The following INTS3 variants were observed in gnomAD, a reference collection of about 807,000 sequenced individuals.
The protein encoded by INTS3 is SOSS complex subunit A.
INTS3 carries 34 observed loss-of-function variants against 146.3 expected under a neutral mutation model. The observed-to-expected ratio is 0.23, with a 90% confidence interval of 0.18 to 0.31. The LOEUF is 0.31. Among genes scored for constraint, INTS3 ranks in the 10% least tolerant of loss-of-function variants. The probability of loss-of-function intolerance (pLI) is 1.00; values close to 1 mark genes in which losing one functional copy is unlikely to be tolerated. For missense variants in INTS3, 757 were observed against 1,304.2 expected (o/e 0.58, Z 6.46); for synonymous variants, 475 against 494.9 (o/e 0.96, Z 0.53).
In INTS3 at chr1:153,761,657, A is replaced by G; in HGVS notation, c.1497A>G (p.Ser499=). The change falls in exon 14 of 30, where the codon TCA becomes TCG. Residue 499 remains serine, a synonymous_variant. Coordinates refer to ENST00000318967, the MANE Select transcript of INTS3 (RefSeq NM_023015.5). ...LREKFPEFCS[S]PSPPVEVKIE... ...AGAAGTTTCCTGAGTTCTGCAGCTC[A>G]CCCTCCCCACCTGTGGAAGGTATGA... 3 of 1,613,174 alleles carry G rather than the reference A, an allele frequency of 1.9e-6. 1 individual carries two copies. In the Middle Eastern group the frequency reaches 5.0e-4, roughly 266 times the overall value.
chr1:153,766,371 C>G (rs1672583292), intron 20 of INTS3: 1 of 152,152 alleles, frequency 6.6e-6, no homozygotes, highest in Non-Finnish European at 1.5e-5. Flanking sequence ...GATCGCAGCT[C>G]ATTGCAACCT....
intron 17 of INTS3, 84 bp from the exon 18 acceptor site, chr1:153,764,034 C>T: frequency 7.6e-7 from 1 of 1,312,442 alleles, no homozygotes; most frequent in Admixed American, 1.7e-5. Context: ...GAGGTGGAAG[C>T]AGATGAGTTC....
chr1:153,729,849 G>A (rs1409302934), intron 1 of INTS3, among the ~76,000 whole-genome samples: 1 of 136,690 alleles, frequency 7.3e-6, no homozygotes, highest in Admixed American at 7.9e-5. Context: ...TGACGACAGA[G>A]CGAGAGACCC....
chr1:153,771,293 T>G (rs907143950), intron 25 of INTS3, among the ~76,000 whole-genome samples: 4 of 152,206 alleles, frequency 2.6e-5, no homozygotes, highest in African/African-American at 4.8e-5. Flanking sequence ...CTTTCTGCCT[T>G]CCTTCCACCC....
chr1:153,767,838 G>C lies in INTS3; in HGVS notation c.2244+11G>C. On this transcript the variant is annotated intron_variant, in intron 21 of 29. Transcript: ENST00000318967. ...TCCATCTACACAGAGGTCAGTGCCT[G>C]CATCCGTATCTGTGCCGGGGGGCTC... 6.3e-7 allele frequency: 1 copy of C among 1,597,996 alleles called. No individual in the cohort carries two copies. Among genetic ancestry groups the C allele is most frequent in the Non-Finnish European group, 8.5e-7 (1 of 1,170,892 alleles).
intron 1 of INTS3, among the ~76,000 whole-genome samples, chr1:153,736,978 A>C (rs922786561): frequency 6.6e-6 from 1 of 151,108 alleles, no homozygotes; most frequent in Non-Finnish European, 1.5e-5. Context: ...CTTGTTAGCC[A>C]GGATGGTCTC....
intron 6 of INTS3, among the ~76,000 whole-genome samples, chr1:153,749,514 C>A (rs890982693): frequency 1.3e-5 from 2 of 152,204 alleles, no homozygotes; most frequent in Admixed American, 1.3e-4. Flanking sequence ...TCCCAACGTT[C>A]ACACTTGTGA....
Position 153,757,545 on chromosome 1 carries a change from T to G in INTS3, c.958-27T>G, listed in dbSNP as rs1390644868. The G allele has an allele frequency of 6.2e-7, 1 of 1,607,930 alleles. No homozygotes were observed. Among genetic ancestry groups the G allele is most frequent in the Non-Finnish European group, 8.5e-7 (1 of 1,175,118 alleles). ...AAGGACCCCACACTGTCTTCTAAGG[T>G]CTTTTTCTTGCTTCCCCTTTCCCCA... On this transcript the variant is annotated intron_variant, in intron 9 of 29. Coordinates refer to ENST00000318967, the MANE Select transcript of INTS3 (RefSeq NM_023015.5). The surrounding 1 kb of genome is among the most constrained non-coding windows in gnomAD (Gnocchi z 4.0).
Position 153,728,594 on chromosome 1 carries a change from C to T in INTS3, c.-41C>T, listed in dbSNP as rs773201559. On this transcript the variant is annotated 5_prime_UTR_variant, in exon 1 of 30. Coordinates refer to ENST00000318967, the MANE Select transcript of INTS3 (RefSeq NM_023015.5). ...GATCCCGATATCTAGGACTGTCCATCCATCCACTCCCTGACCTTTTCCCGG... is the reference window on the plus strand; with the variant it reads ...GATCCCGATATCTAGGACTGTCCATTCATCCACTCCCTGACCTTTTCCCGG... 3.2e-6 allele frequency: 5 copies of T among 1,570,500 alleles called. No individual in the cohort carries two copies. Among genetic ancestry groups the T allele is most frequent in the Non-Finnish European group, 4.3e-6 (5 of 1,163,222 alleles).
intron 23 of INTS3, 100 bp from the exon 24 acceptor site, chr1:153,770,098 T>TGTGTGC: frequency 2.4e-6 from 1 of 418,788 alleles, no homozygotes; most frequent in Non-Finnish European, 4.2e-6. Context: ...TGTGTGTGTG[T>TGTGTGC]GTGTGCTGGT....
In INTS3 at chr1:153,757,527, C is replaced by G. The variant is rs1330639491; in HGVS notation, c.958-45C>G. ...GCTCGTTTTCCTCTGGCCAAGGACC[C>G]CACACTGTCTTCTAAGGTCTTTTTC... On this transcript the variant is annotated intron_variant, in intron 9 of 29. Coordinates refer to ENST00000318967, the MANE Select transcript of INTS3 (RefSeq NM_023015.5). The surrounding 1 kb of genome is among the most constrained non-coding windows in gnomAD (Gnocchi z 4.0). 6.3e-7 allele frequency: 1 copy of G among 1,576,170 alleles called. No homozygotes were observed. Among genetic ancestry groups the G allele is most frequent in the African/African-American group, 1.3e-5 (1 of 74,186 alleles).
At chr1:153,763,076 A>C (rs370953989) in intron 15 of INTS3, among the ~76,000 whole-genome samples, 157 bp from the exon 16 acceptor site, 5 of 152,214 alleles carry the variant, frequency 3.3e-5, no homozygotes, top group African/African-American at 1.2e-4. Context: ...GAGCTAGTAC[A>C]TGTGCACAGT....
Position 153,752,388 on chromosome 1 carries a change from C to T in INTS3, c.839C>T (p.Ala280Val), listed in dbSNP as rs1671991406. 1 of 1,612,310 alleles carries T rather than the reference C, an allele frequency of 6.2e-7. No individual in the cohort carries two copies. Among genetic ancestry groups the T allele is most frequent in the Non-Finnish European group, 8.5e-7 (1 of 1,179,370 alleles). The change falls in exon 8 of 30, where the codon GCC becomes GTC. Residue 280 changes from alanine (A) to valine (V), a missense_variant. This residue lies in a region of INTS3 where 134 missense variants were observed against 243.1 expected (regional missense o/e 0.55). Coordinates refer to ENST00000318967, the MANE Select transcript of INTS3 (RefSeq NM_023015.5). ...LWKDIIHNPQ[A>V]LSPQFTGILQ... The stretch of plus-strand genomic sequence containing the variant: ...AAAGATATTATCCATAATCCTCAGG[C>T]CTTGAGTCCTCAGTTCACAGGTAAG...
intron 1 of INTS3, among the ~76,000 whole-genome samples, chr1:153,731,901 CTT>C (rs34353204): frequency 3.5e-4 from 23 of 65,282 alleles, no homozygotes; most frequent in African/African-American, 1.3e-3. Flanking sequence ...CTTTTTTTAA[CTT>C]TTTTTTTTTT....
intron 6 of INTS3, among the ~76,000 whole-genome samples, chr1:153,750,408 A>C (rs1671914496): frequency 6.6e-6 from 1 of 152,030 alleles, no homozygotes; most frequent in African/African-American, 2.4e-5. Flanking sequence ...ATATTCTGAA[A>C]CTCATGGGAA....
chr1:153,767,522 C>T, intron 20 of INTS3, 152 bp from the exon 21 acceptor site: 1 of 645,812 alleles, frequency 1.5e-6, no homozygotes, highest in Non-Finnish European at 2.4e-6. Context: ...GTTATCAAGC[C>T]CCTGTGGGAG....
At chr1:153,750,851 T>G in intron 6 of INTS3, 1 of 463,922 alleles carries the variant, frequency 2.2e-6, no homozygotes. Flanking sequence ...AGAGATTGCT[T>G]TCATTTGGCA....
intron 20 of INTS3, among the ~76,000 whole-genome samples, chr1:153,766,112 TCTC>T (rs1218408680): frequency 1.4e-5 from 2 of 144,936 alleles, no homozygotes; most frequent in African/African-American, 5.3e-5. Flanking sequence ...CTTTTTTCTT[TCTC>T]TTTTTTTTTT....
At chr1:153,733,666 G>A (rs115594955) in intron 1 of INTS3, among the ~76,000 whole-genome samples, 3,127 of 151,700 alleles carry the variant, frequency 0.021, 110 homozygotes, top group African/African-American at 0.066. Context: ...GGAGTGCAGT[G>A]GCGCGACAGC....
Sources: allele counts gnomAD v4.1 joint callset (sites outside exome capture counted in the v4.1 genomes callset), GRCh38; gene constraint gnomAD v4.1.1; regional missense constraint gnomAD v4.1.1; non-coding constraint Gnocchi (gnomAD v3.1); transcripts MANE v1.5; gene names NCBI Gene and HGNC (gene_info 2026-07-23, HGNC 2026-07-21).